LRIG2: variants seen among roughly 807,000 people sequenced by gnomAD.
LRIG2 encodes the protein leucine-rich repeats and immunoglobulin-like domains protein 2.
In LRIG2, 93 loss-of-function variants were observed where a neutral mutation model predicts 107.8. That is an observed-to-expected ratio of 0.86 (90% CI 0.73 to 1.03). The LOEUF is 1.03. Among genes scored for constraint, LRIG2 ranks in the 50% least tolerant of loss-of-function variants. The pLI is 0.00. For synonymous variants in LRIG2, 471 were observed against 470.6 expected (o/e 1.00, Z -0.01); for missense variants, 1,226 against 1,296.0 (o/e 0.95, Z 0.83).
intron 1 of LRIG2, among the ~76,000 whole-genome samples, chr1:113,077,342 A>G (rs1024109053): frequency 6.6e-6 from 1 of 152,026 alleles, no homozygotes; most frequent in Non-Finnish European, 1.5e-5. Flanking sequence ...GGGTTTTGCC[A>G]TGTTGGCCAG....
chr1:113,085,656 G>T (rs575668539), intron 1 of LRIG2, among the ~76,000 whole-genome samples: 1 of 152,282 alleles, frequency 6.6e-6, no homozygotes, highest in Non-Finnish European at 1.5e-5. Flanking sequence ...AAGCAAAAAT[G>T]CTTCCAGGAA....
intron 2 of LRIG2, 44 bp from the exon 3 acceptor site, chr1:113,093,162 A>G: frequency 8.2e-7 from 1 of 1,214,900 alleles, no homozygotes; most frequent in Non-Finnish European, 1.2e-6. Context: ...AAGAGGTAAT[A>G]TTTCCCTCAC....
At chr1:113,113,229 A>T (rs1654848578) in intron 14 of LRIG2, among the ~76,000 whole-genome samples, 1 of 139,602 alleles carries the variant, frequency 7.2e-6, no homozygotes, top group African/African-American at 2.6e-5. Flanking sequence ...AAAAAAAAAG[A>T]TGTGTTTTCT....
chr1:113,116,543 C>G (rs1570771314), intron 16 of LRIG2, 107 bp downstream of exon 16: 1 of 1,073,870 alleles, frequency 9.3e-7, no homozygotes, highest in African/African-American at 1.6e-5. Context: ...AAGTAAGATA[C>G]CTAATGAAAG....
At chr1:113,076,006 T>A in intron 1 of LRIG2, among the ~76,000 whole-genome samples, 1 of 139,222 alleles carries the variant, frequency 7.2e-6, no homozygotes, top group Non-Finnish European at 1.6e-5. Context: ...CTGGCCTACT[T>A]TTTTTTTTTT....
At chr1:113,076,430 G>T (rs927174191) in intron 1 of LRIG2, among the ~76,000 whole-genome samples, 1 of 152,224 alleles carries the variant, frequency 6.6e-6, no homozygotes, top group Non-Finnish European at 1.5e-5. Flanking sequence ...CTAGAGCCAA[G>T]TGACATTCAG....
chr1:113,100,409 C>CT lies in LRIG2; in HGVS notation c.1245-8dup. The CT allele has an allele frequency of 6.6e-7, 1 of 1,509,190 alleles. No individual in the cohort carries two copies. The allele number at this position is 1,509,190 out of a possible 1,614,324, so 93.5% of individuals were successfully genotyped here. A position where few individuals can be genotyped will look rare whatever the true frequency, so the allele number is the denominator to read the frequency against. On this transcript the variant is annotated splice_polypyrimidine_tract_variant and intron_variant, in intron 10 of 17. Transcript: ENST00000361127. Reference sequence around the variant, plus strand: ...TGGTGACTGATAATGTTTCATTTCTCTTTATTTCAGAGATTTGAACAATAA... The same window carrying CT: ...TGGTGACTGATAATGTTTCATTTCTCTTTTATTTCAGAGATTTGAACAATAA...
At position 113,122,320 on chromosome 1, in the gene LRIG2, C is replaced by T. The variant is rs181835252; in HGVS notation, c.2972-1555C>T. 2.6e-5 allele frequency among the ~76,000 whole-genome samples: 4 copies of T among 152,130 alleles called. No individual in the cohort carries two copies. The East Asian group carries it at 5.8e-4, about 22-fold the overall frequency. On this transcript the variant is annotated intron_variant, in intron 17 of 17. Transcript: ENST00000361127. ...CAGGCTGGTCTCAAACTCCTGACCT[C>T]AGGTGATCCACCCACCTCAGCCTCC...
chr1:113,113,555 T>C (rs1181333204), intron 14 of LRIG2, among the ~76,000 whole-genome samples: 1 of 149,252 alleles, frequency 6.7e-6, no homozygotes, highest in African/African-American at 2.4e-5. Flanking sequence ...TTTATTTATT[T>C]ATTTATTTAT....
At chr1:113,111,198 T>C (rs1654760246) in intron 13 of LRIG2, among the ~76,000 whole-genome samples, 1 of 152,102 alleles carries the variant, frequency 6.6e-6, no homozygotes, top group African/African-American at 2.4e-5. Context: ...ACCAGGCCCA[T>C]CTAATTTTTG....
chr1:113,124,302 G>C lies in LRIG2; in HGVS notation c.*201G>C. ...GCAACAGCTGACAGAAATGGGTACAGCTCATCAAAAATGTGCAGCACCGGC... is the reference window on the plus strand; with the variant it reads ...GCAACAGCTGACAGAAATGGGTACACCTCATCAAAAATGTGCAGCACCGGC... On this transcript the variant is annotated 3_prime_UTR_variant, in exon 18 of 18. Transcript: ENST00000361127. 1.7e-6 allele frequency: 1 copy of C among 594,806 alleles called. No individual in the cohort carries two copies. The highest frequency in any genetic ancestry group is 3.0e-6 in the Non-Finnish European group (1 of 335,132). 36.8% of individuals were successfully genotyped at this position (594,806 alleles called of 1,614,324 possible).
chr1:113,092,510 T>C (rs577390989), intron 2 of LRIG2, among the ~76,000 whole-genome samples: 3 of 151,146 alleles, frequency 2.0e-5, no homozygotes, highest in Non-Finnish European at 4.4e-5. Flanking sequence ...ATTTGTGTGT[T>C]GTGTGTTTAT....
intron 2 of LRIG2, 75 bp from the exon 3 acceptor site, chr1:113,093,131 G>A (rs1653898558): frequency 1.1e-6 from 1 of 907,242 alleles, no homozygotes; most frequent in East Asian, 2.5e-5. Context: ...AAGAATATGT[G>A]TTAGCCAGAA....
Position 113,124,379 on chromosome 1 carries a change from C to T in LRIG2, c.*278C>T, listed in dbSNP as rs1176866594. The T allele has an allele frequency of 6.3e-6, 3 of 476,750 alleles. No individual in the cohort carries two copies. The Admixed American group carries it at 1.1e-4, about 17-fold the overall frequency. 29.5% of individuals were successfully genotyped at this position (476,750 alleles called of 1,614,324 possible). On this transcript the variant is annotated 3_prime_UTR_variant, in exon 18 of 18. Transcript: ENST00000361127. ...TTCCTGATGCTTCCATGGGGATGTGCCCTGGTGTGCATCTGCTTGTCAGGA... is the reference window on the plus strand; with the variant it reads ...TTCCTGATGCTTCCATGGGGATGTGTCCTGGTGTGCATCTGCTTGTCAGGA...
At chr1:113,089,040 T>A (rs1359199533) in intron 1 of LRIG2, among the ~76,000 whole-genome samples, 1 of 152,244 alleles carries the variant, frequency 6.6e-6, no homozygotes, top group East Asian at 1.9e-4. Context: ...TTTAGTTATG[T>A]CATGGTGTAA....
At chr1:113,122,457 A>G (rs1655304522) in intron 17 of LRIG2, among the ~76,000 whole-genome samples, 1 of 152,146 alleles carries the variant, frequency 6.6e-6, no homozygotes, top group Admixed American at 6.5e-5. Context: ...TACTGAAGTT[A>G]ATCTCTTATT....
chr1:113,123,509 G>A (rs1478849936), intron 17 of LRIG2, among the ~76,000 whole-genome samples: 1 of 152,200 alleles, frequency 6.6e-6, no homozygotes, highest in Admixed American at 6.5e-5. Flanking sequence ...GGGAGGCGGA[G>A]GTTGCGGTGA....
chr1:113,093,065 A>G (rs1265888143), intron 2 of LRIG2, 141 bp from the exon 3 acceptor site: 6 of 575,362 alleles, frequency 1.0e-5, no homozygotes, highest in Non-Finnish European at 1.9e-5. Flanking sequence ...ATACATTTTT[A>G]TTTTCGTCTA....
chr1:113,101,957 T>G (rs554089324), intron 11 of LRIG2, among the ~76,000 whole-genome samples: 5 of 152,074 alleles, frequency 3.3e-5, no homozygotes, highest in Admixed American at 2.6e-4. Context: ...CCAGTAGATA[T>G]ATAATATCTC....
Sources: allele counts gnomAD v4.1 joint callset (sites outside exome capture counted in the v4.1 genomes callset), GRCh38; gene constraint gnomAD v4.1.1; transcripts MANE v1.5; gene names NCBI Gene and HGNC (gene_info 2026-07-23, HGNC 2026-07-21).